The following RIDA variants were observed in gnomAD, a reference collection of about 807,000 sequenced individuals.
The protein encoded by RIDA is 2-iminobutanoate/2-iminopropanoate deaminase.
RIDA carries 17 observed loss-of-function variants against 17.8 expected under a neutral mutation model. The ratio of observed to expected loss-of-function variants is 0.96; its 90% confidence interval spans 0.65 to 1.43. The LOEUF (loss-of-function observed/expected upper bound fraction) is 1.43. Ranked by LOEUF, RIDA falls within the 40% of genes most tolerant of loss-of-function variation. The pLI is 0.00. For synonymous variants in RIDA, 48 were observed against 55.7 expected (o/e 0.86, Z 0.62); for missense variants, 158 against 161.7 (o/e 0.98, Z 0.12).
rs566732806 is a variant in RIDA, at chr8:98,108,008, G to C, written c.171+638C>G. 4.9e-3 allele frequency among the ~76,000 whole-genome samples: 739 copies of C among 152,236 alleles called. 11 individuals are homozygous for C. The highest frequency in any genetic ancestry group is 0.017 in the African/African-American group (710 of 41,548). On this transcript the variant is annotated intron_variant, in intron 2 of 5. Coordinates refer to ENST00000254878, the MANE Select transcript of RIDA (RefSeq NM_005836.3). Reference sequence around the variant, plus strand: ...TGGTCTTGAACTCCTGACCTCAGGTGATCTGCCCGCCTCGGCCTCCCAAAG... The same window carrying C: ...TGGTCTTGAACTCCTGACCTCAGGTCATCTGCCCGCCTCGGCCTCCCAAAG...
At chr8:98,103,860 G>A (rs539155993) in intron 5 of RIDA, among the ~76,000 whole-genome samples, 3 of 151,800 alleles carry the variant, frequency 2.0e-5, no homozygotes, top group Admixed American at 6.6e-5. Context: ...GGATGGTCTC[G>A]ATCTTCTGAC....
At chr8:98,103,641 ATT>A (rs372281324) in intron 5 of RIDA, among the ~76,000 whole-genome samples, 4 of 146,310 alleles carry the variant, frequency 2.7e-5, no homozygotes, top group African/African-American at 2.5e-5. Context: ...TTTTCTCACA[ATT>A]TTTTTTTTTT....
intron 1 of RIDA, among the ~76,000 whole-genome samples, chr8:98,115,843 A>G (rs1815809839): frequency 6.6e-6 from 1 of 152,178 alleles, no homozygotes; most frequent in African/African-American, 2.4e-5. Flanking sequence ...GTACTGTTGT[A>G]AAGTTTCCTT....
chr8:98,102,781 G>T lies in RIDA; in HGVS notation c.*61C>A. ...TGAAAATTAAAAGGTTAATTAAGAT[G>T]TTACATCAATTGTAAAAATTAAAAT... On this transcript the variant is annotated 3_prime_UTR_variant, in exon 6 of 6. Coordinates refer to ENST00000254878, the MANE Select transcript of RIDA (RefSeq NM_005836.3). 1 of 1,116,254 alleles carries T rather than the reference G, an allele frequency of 9.0e-7. No individual in the cohort carries two copies. The highest frequency in any genetic ancestry group is 1.3e-6 in the Non-Finnish European group (1 of 769,698). 69.1% of individuals were successfully genotyped at this position (1,116,254 alleles called of 1,614,324 possible). A position where few individuals can be genotyped will look rare whatever the true frequency, so the allele number is the denominator to read the frequency against.
At chr8:98,108,847 TAA>T (rs34364402) in intron 1 of RIDA, 96 bp from the exon 2 acceptor site, 138,583 of 526,814 alleles carry the variant, frequency 0.26, 12,728 homozygotes, top group Non-Finnish European at 0.29. Context: ...GTATAAATTG[TAA>T]AAAAAAAAAA....
intron 1 of RIDA, among the ~76,000 whole-genome samples, chr8:98,110,846 T>C (rs1815717006): frequency 6.6e-6 from 1 of 152,106 alleles, no homozygotes; most frequent in Non-Finnish European, 1.5e-5. Flanking sequence ...GTTTCCCCCA[T>C]GCTGTTCTCA....
At chr8:98,116,959 C>A (rs1815846934) in intron 1 of RIDA, 73 bp downstream of exon 1, 1 of 1,229,324 alleles carries the variant, frequency 8.1e-7, no homozygotes, top group African/African-American at 1.5e-5. Flanking sequence ...GGCTCCGGCC[C>A]GGAGTGGCCC....
chr8:98,111,962 C>T (rs557156587), intron 1 of RIDA, among the ~76,000 whole-genome samples: 1 of 151,806 alleles, frequency 6.6e-6, no homozygotes, highest in Non-Finnish European at 1.5e-5. Context: ...AACAGATAAC[C>T]AAAACAAATA....
intron 2 of RIDA, among the ~76,000 whole-genome samples, chr8:98,107,764 C>CTT (rs61224534): frequency 1.6e-4 from 23 of 148,192 alleles, no homozygotes; most frequent in African/African-American, 3.0e-4. Context: ...GACTGGGTTA[C>CTT]TTTTTTTTTC....
Position 98,102,785 on chromosome 8 carries a change from C to T in RIDA, c.*57G>A, listed in dbSNP as rs1023415289. 8.7e-7 allele frequency: 1 copy of T among 1,154,970 alleles called. No individual in the cohort carries two copies. The highest frequency in any genetic ancestry group is 1.2e-6 in the Non-Finnish European group (1 of 803,812). 71.5% of individuals were successfully genotyped at this position (1,154,970 alleles called of 1,614,324 possible). A position where few individuals can be genotyped will look rare whatever the true frequency, so the allele number is the denominator to read the frequency against. On this transcript the variant is annotated 3_prime_UTR_variant, in exon 6 of 6. Transcript: ENST00000254878. ...AATTAAAAGGTTAATTAAGATGTTACATCAATTGTAAAAATTAAAATGTTA... is the reference window on the plus strand; with the variant it reads ...AATTAAAAGGTTAATTAAGATGTTATATCAATTGTAAAAATTAAAATGTTA...
Position 98,102,823 on chromosome 8 carries a change from T to C in RIDA, c.*19A>G, listed in dbSNP as rs746149331. Reference sequence around the variant, plus strand: ...AATTAAAATGTTAACAATTCCAGACTACACAGCACTGGGCCCACTTATAGT... The same window carrying C: ...AATTAAAATGTTAACAATTCCAGACCACACAGCACTGGGCCCACTTATAGT... On this transcript the variant is annotated 3_prime_UTR_variant, in exon 6 of 6. Transcript: ENST00000254878. 3.2e-6 allele frequency: 5 copies of C among 1,549,988 alleles called. No individual in the cohort carries two copies. In the South Asian group the frequency reaches 5.9e-5, roughly 18 times the overall value.
At chr8:98,104,371 G>C in intron 5 of RIDA, 118 bp downstream of exon 5, 1 of 762,470 alleles carries the variant, frequency 1.3e-6, no homozygotes, top group Non-Finnish European at 2.3e-6. Flanking sequence ...ACAGGGGTAA[G>C]CCACCCTGCC....
intron 1 of RIDA, among the ~76,000 whole-genome samples, chr8:98,115,544 TTTAA>T (rs915808527): frequency 2.1e-4 from 30 of 145,416 alleles, no homozygotes; most frequent in Non-Finnish European, 1.6e-4. Context: ...CTTGAAAGTT[TTTAA>T]TTAAACTTTT....
intron 4 of RIDA, among the ~76,000 whole-genome samples, chr8:98,105,120 C>CAAAAAAAA (rs11354936): frequency 1.1e-5 from 1 of 88,056 alleles, no homozygotes; most frequent in Non-Finnish European, 2.1e-5. Context: ...AGCTTTCTGG[C>CAAAAAAAA]AAAAAAAAAA....
intron 2 of RIDA, chr8:98,106,582 A>G: frequency 2.5e-6 from 1 of 394,022 alleles, no homozygotes; most frequent in East Asian, 4.1e-5. Context: ...AAATGTGTTA[A>G]TTGTTCAGCC....
At chr8:98,113,480 A>G (rs1413089446) in intron 1 of RIDA, among the ~76,000 whole-genome samples, 1 of 152,140 alleles carries the variant, frequency 6.6e-6, no homozygotes, top group Non-Finnish European at 1.5e-5. Context: ...AATAAGCACC[A>G]TTTCTAGTCA....
intron 1 of RIDA, 32 bp downstream of exon 1, chr8:98,116,999 TG>T: frequency 1.3e-6 from 2 of 1,589,122 alleles, no homozygotes; most frequent in Non-Finnish European, 1.7e-6. Flanking sequence ...CCGCACGCCC[TG>T]GGTCCGACAC....
chr8:98,108,803 C>T (rs1281266767), intron 1 of RIDA, 52 bp from the exon 2 acceptor site: 1 of 1,143,058 alleles, frequency 8.7e-7, no homozygotes. Flanking sequence ...ACATAAAATT[C>T]AATGCTAGAA....
chr8:98,112,869 T>C (rs1367157607), intron 1 of RIDA, among the ~76,000 whole-genome samples: 1 of 152,198 alleles, frequency 6.6e-6, no homozygotes, highest in Non-Finnish European at 1.5e-5. Context: ...AGAAACTCTT[T>C]TATTTTCAAA....
Sources: gnomAD v4.1 joint callset for allele counts (sites outside exome capture counted in the v4.1 genomes callset) on GRCh38, gnomAD v4.1.1 for gene constraint, MANE v1.5 for transcripts, NCBI Gene and HGNC (gene_info 2026-07-23, HGNC 2026-07-21) for gene names.